Variants in NRK observed in about 807,000 individuals in gnomAD.
NRK encodes nik-related protein kinase.
In NRK, 67 loss-of-function variants were observed where a neutral mutation model predicts 125.2. That is an observed-to-expected ratio of 0.54 (90% CI 0.44 to 0.66). The LOEUF (loss-of-function observed/expected upper bound fraction) is 0.66. Ranked by LOEUF, NRK falls within the 30% of genes least tolerant of loss-of-function variation. The pLI is 0.00. For missense variants in NRK, 1,224 were observed against 1,192.9 expected, an observed-to-expected ratio of 1.03 and a Z score of -0.38; for synonymous variants, 458 against 429.0, an observed-to-expected ratio of 1.07 and a Z score of -0.84.
intron 2 of NRK, among the ~76,000 whole-genome samples, chrX:105,875,891 G>A (rs753267980): frequency 2.7e-5 from 3 of 110,879 alleles, no homozygotes; most frequent in Non-Finnish European, 5.7e-5. Context: ...ATAAGAATGA[G>A]AGCTAAGAGA....
chrX:105,832,547 A>G (rs150047957), intron 2 of NRK, among the ~76,000 whole-genome samples: 6 of 111,364 alleles, frequency 5.4e-5, no homozygotes, highest in African/African-American at 9.8e-5. Context: ...TCCTCCACAT[A>G]TAGGTTGTAT....
intron 2 of NRK, among the ~76,000 whole-genome samples, chrX:105,845,363 C>T (rs1289470899): frequency 9.0e-6 from 1 of 110,655 alleles, no homozygotes; most frequent in African/African-American, 3.3e-5. Flanking sequence ...GCCCTGATGA[C>T]CAGATAGAGG....
At chrX:105,950,650 C>A (rs1289365924) in intron 27 of NRK, among the ~76,000 whole-genome samples, 1 of 107,876 alleles carries the variant, frequency 9.3e-6, no homozygotes, top group Admixed American at 1.0e-4. Flanking sequence ...AACATTGTGT[C>A]CCATCTCAGA....
intron 23 of NRK, among the ~76,000 whole-genome samples, chrX:105,942,399 A>G (rs1235805870): frequency 9.0e-6 from 1 of 111,597 alleles, no homozygotes; most frequent in Non-Finnish European, 1.9e-5. Flanking sequence ...GCACTTGTAA[A>G]TATCTGTTTT....
chrX:105,895,574 G>GCTTT, intron 7 of NRK, 51 bp downstream of exon 7: 10 of 786,355 alleles, frequency 1.3e-5, no homozygotes, highest in Non-Finnish European at 1.9e-5. Flanking sequence ...AATGGAGAAA[G>GCTTT]CTCCTTTAAG....
chrX:105,840,855 G>GTGTA (rs1347591585), intron 2 of NRK, among the ~76,000 whole-genome samples: 2 of 99,916 alleles, frequency 2.0e-5, no homozygotes, highest in African/African-American at 8.6e-5. Context: ...GTGTGTGTGT[G>GTGTA]TATATATATA....
At chrX:105,921,329 TGTGGG>T (rs2040442777) in intron 16 of NRK, among the ~76,000 whole-genome samples, 1 of 78,181 alleles carries the variant, frequency 1.3e-5, no homozygotes, top group Non-Finnish European at 2.4e-5. Context: ...TGGGGACTGT[TGTGGG>T]GTGGGGGGAG....
chrX:105,917,999 T>C (rs2040388062), intron 16 of NRK, among the ~76,000 whole-genome samples: 1 of 111,107 alleles, frequency 9.0e-6, no homozygotes, highest in Non-Finnish European at 1.9e-5. Context: ...GAGAGACCTC[T>C]CCAGCAGGCT....
At chrX:105,914,967 A>G (rs1239766175) in intron 14 of NRK, among the ~76,000 whole-genome samples, 1 of 106,682 alleles carries the variant, frequency 9.4e-6, no homozygotes, top group Non-Finnish European at 1.9e-5. Flanking sequence ...AGGCAAGGCA[A>G]CATTCCCTGG....
chrX:105,895,913 CAG>C (rs1326846773), intron 7 of NRK, among the ~76,000 whole-genome samples: 1 of 111,933 alleles, frequency 8.9e-6, no homozygotes, highest in African/African-American at 3.2e-5. Context: ...TTTCACATGA[CAG>C]AGTCATATTT....
At chrX:105,951,363 C>T (rs1327587100) in intron 27 of NRK, among the ~76,000 whole-genome samples, 1 of 110,976 alleles carries the variant, frequency 9.0e-6, no homozygotes, top group Non-Finnish European at 1.9e-5. Context: ...GACAGGACAA[C>T]TTCTGACCTA....
At chrX:105,837,454 T>C (rs1327716772) in intron 2 of NRK, among the ~76,000 whole-genome samples, 1 of 111,609 alleles carries the variant, frequency 9.0e-6, no homozygotes, top group Non-Finnish European at 1.9e-5. Flanking sequence ...TCTTCCAGCT[T>C]GTTTCCAAGG....
At chrX:105,932,708 C>G (rs2040610061) in intron 19 of NRK, among the ~76,000 whole-genome samples, 1 of 111,389 alleles carries the variant, frequency 9.0e-6, no homozygotes, top group African/African-American at 3.3e-5. Context: ...ATGCCATGCT[C>G]TTTCATGAAT....
At chrX:105,948,596 C>A (rs1423219305) in intron 26 of NRK, 2 of 471,425 alleles carry the variant, frequency 4.2e-6, no homozygotes. Context: ...CCTGCAATTT[C>A]TTTTACTCTC....
intron 1 of NRK, among the ~76,000 whole-genome samples, chrX:105,824,664 C>G (rs192891043): frequency 6.9e-4 from 76 of 109,633 alleles, no homozygotes; most frequent in African/African-American, 2.5e-3. Flanking sequence ...CTACCTGACC[C>G]GGTCATGGCC....
chrX:105,897,262 G>T (rs908293609), intron 7 of NRK, among the ~76,000 whole-genome samples: 6 of 112,360 alleles, frequency 5.3e-5, no homozygotes, highest in African/African-American at 1.9e-4. Context: ...TTTACAATTT[G>T]TTTTAAATTT....
At chrX:105,846,431 G>T (rs1276269339) in intron 2 of NRK, among the ~76,000 whole-genome samples, 1 of 111,492 alleles carries the variant, frequency 9.0e-6, no homozygotes, top group African/African-American at 3.3e-5. Context: ...ACATCACCCT[G>T]CTCTTAATTC....
At chrX:105,891,091 G>A (rs2040010962) in intron 5 of NRK, among the ~76,000 whole-genome samples, 1 of 111,898 alleles carries the variant, frequency 8.9e-6, no homozygotes, top group South Asian at 3.7e-4. Flanking sequence ...ATGAGCATAT[G>A]GGTGCATTTT....
intron 2 of NRK, among the ~76,000 whole-genome samples, chrX:105,856,508 T>A (rs1333612061): frequency 4.5e-5 from 5 of 111,443 alleles, no homozygotes; most frequent in Non-Finnish European, 7.6e-5. Flanking sequence ...GAAAGCAATA[T>A]CAATATTTAG....
Sources: allele counts gnomAD v4.1 joint callset (sites outside exome capture counted in the v4.1 genomes callset), GRCh38; gene constraint gnomAD v4.1.1; transcripts MANE v1.5; gene names NCBI Gene and HGNC (gene_info 2026-07-23, HGNC 2026-07-21).